Variants in CYLD observed in about 807,000 individuals in gnomAD.
CYLD encodes the protein CYLD lysine 63 deubiquitinase, also known as ubiquitin carboxyl-terminal hydrolase CYLD.
CYLD carries 26 observed loss-of-function variants against 104.5 expected under a neutral mutation model. The ratio of observed to expected loss-of-function variants is 0.25; its 90% CI spans 0.18 to 0.35. The LOEUF is 0.35. Among genes scored for constraint, CYLD ranks in the 10% least tolerant of loss-of-function variants. The probability of loss-of-function intolerance (pLI) is 1.00; values close to 1 mark genes in which losing one functional copy is unlikely to be tolerated. For synonymous variants in CYLD, 385 were observed against 399.9 expected, an observed-to-expected ratio of 0.96 and a Z score of 0.45; for missense variants, 703 against 1,136.1, an observed-to-expected ratio of 0.62 and a Z score of 5.48.
intron 16 of CYLD, among the ~76,000 whole-genome samples, chr16:50,792,969 G>A (rs1042682430): frequency 2.0e-5 from 3 of 152,110 alleles, no homozygotes; most frequent in Admixed American, 6.5e-5. Flanking sequence ...TTAACCAGAG[G>A]AGAATGGTTA....
rs537080808 is a variant in CYLD, at chr16:50,749,074, C to A, written c.-123-502C>A. On this transcript the variant is annotated intron_variant, in intron 2 of 18. Transcript: ENST00000427738. ...AAGCTTAGCTGTGTGTGGTGATATG[C>A]GTCTATAATACCAGTTACTCGGGAG... Among the ~76,000 whole-genome samples, 3 of 152,100 alleles carry A rather than the reference C, an allele frequency of 2.0e-5. No individual in the cohort carries two copies. The East Asian group carries it at 5.8e-4, about 29-fold the overall frequency.
intron 18 of CYLD, chr16:50,795,590 C>CT (rs1280235770): frequency 1.4e-6 from 1 of 702,846 alleles, no homozygotes; most frequent in Non-Finnish European, 2.6e-6. Context: ...TGGTGTGGCC[C>CT]TCCAGTAGCC....
rs1966491984 is a variant in CYLD, at chr16:50,750,051, G to A, written c.353G>A (p.Arg118Lys). 1.2e-6 allele frequency: 2 copies of A among 1,614,018 alleles called. No individual in the cohort carries two copies. The highest frequency in any genetic ancestry group is 1.7e-6 in the Non-Finnish European group (2 of 1,180,008). The part of the protein sequence containing the change: ...ERFSLFKNRN[R>K]LSKGLQIDVG... The stretch of plus-strand genomic sequence containing the variant: ...TTCAGCCTGTTTAAAAACAGAAACA[G>A]ACTAAGTAAAGGCCTCCAAATAGAC... The change falls in exon 3 of 19, where the codon AGA (arginine) becomes AAA (lysine). Residue 118 changes from arginine (R) to lysine (K), a missense_variant. Coordinates refer to ENST00000427738, the MANE Select transcript of CYLD (RefSeq NM_001378743.1).
In CYLD at chr16:50,796,788, A is replaced by G. The variant is rs1972088853; in HGVS notation, c.*280A>G. The G allele has an allele frequency of 4.6e-6, 2 of 432,766 alleles. No homozygotes were observed. Among genetic ancestry groups the G allele is most frequent in the Non-Finnish European group, 4.3e-6 (1 of 235,056 alleles). The allele number at this position is 432,766 out of a possible 1,614,324, so 26.8% of individuals were successfully genotyped here. ...AAGCTTTAAGTTAAGTGCATTGATC[A>G]TATGATATTTTTGGAAGCATACAAT... is the stretch of plus-strand genomic sequence containing the variant. On this transcript the variant is annotated 3_prime_UTR_variant, in exon 19 of 19. Transcript: ENST00000427738.
rs922583787 is a variant in CYLD, at chr16:50,780,151, C to G, written c.1518+107C>G. 2.1e-5 allele frequency: 28 copies of G among 1,336,790 alleles called. No homozygotes were observed. The African/African-American group carries it at 3.7e-4, about 18-fold the overall frequency. 82.8% of individuals were successfully genotyped at this position (1,336,790 alleles called of 1,614,324 possible). On this transcript the variant is annotated intron_variant, in intron 9 of 18. Transcript: ENST00000427738. ...CAAACTGTTATATTTGTCAGAAAAG[C>G]TATCACTGCAGAATAATTTTCTCAC...
chr16:50,742,805 G>T lies in CYLD; in HGVS notation c.-160G>T. ...GAGGATGGTTCTACACAGCCACCCG[G>T]AGTTCCTTAGTTGAAAGGTGCGCCC... On this transcript the variant is annotated 5_prime_UTR_variant, in exon 2 of 19. The change creates a premature stop within an existing upstream ORF in the 5' untranslated region. Coordinates refer to ENST00000427738, the MANE Select transcript of CYLD (RefSeq NM_001378743.1). 2.5e-6 allele frequency: 1 copy of T among 395,862 alleles called. No individual in the cohort carries two copies. The highest frequency in any genetic ancestry group is 4.4e-6 in the Non-Finnish European group (1 of 224,876). 24.5% of individuals were successfully genotyped at this position (395,862 alleles called of 1,614,324 possible).
intron 8 of CYLD, among the ~76,000 whole-genome samples, chr16:50,778,474 G>C (rs932065626): frequency 6.6e-6 from 1 of 152,174 alleles, no homozygotes; most frequent in African/African-American, 2.4e-5. Flanking sequence ...TTGCCTTGGT[G>C]GTGTGTGCAG....
intron 5 of CYLD, among the ~76,000 whole-genome samples, chr16:50,770,971 G>C (rs1295073260): frequency 6.6e-6 from 1 of 152,090 alleles, no homozygotes; most frequent in Non-Finnish European, 1.5e-5. Flanking sequence ...TTATTTTTAT[G>C]AAGTCCAATT....
At chr16:50,758,549 A>G (rs1967535877) in intron 5 of CYLD, among the ~76,000 whole-genome samples, 2 of 152,194 alleles carry the variant, frequency 1.3e-5, no homozygotes, top group Admixed American at 1.3e-4. Flanking sequence ...GGAGACCAGG[A>G]AGGAGACTGT....
At chr16:50,779,634 T>G in intron 8 of CYLD, 31 bp from the exon 9 acceptor site, 2 of 1,608,700 alleles carry the variant, frequency 1.2e-6, no homozygotes, top group Non-Finnish European at 1.7e-6. Context: ...TATCCTTGAA[T>G]ACATTTCTGT....
chr16:50,760,290 C>T (rs1383933803), intron 5 of CYLD, among the ~76,000 whole-genome samples: 1 of 151,892 alleles, frequency 6.6e-6, no homozygotes, highest in South Asian at 2.1e-4. Flanking sequence ...ATATATATAC[C>T]CTTGAATTAG....
Position 50,796,422 on chromosome 16 carries a change from A to C in CYLD, c.2785A>C (p.Arg929=). 6.2e-7 allele frequency: 1 copy of C among 1,614,036 alleles called. No homozygotes were observed. Among genetic ancestry groups the C allele is most frequent in the Non-Finnish European group, 8.5e-7 (1 of 1,179,902 alleles). Residue 929 remains arginine, a synonymous_variant, in exon 19 of 19, where the codon AGG becomes CGG. Transcript: ENST00000427738. ...GGAAGACCTGCATTCCTTGGACTCC[A>C]GGAGAATCCAAGGCTGTGCACGAAG... The part of the protein sequence containing the change: ...SLEDLHSLDS[R]RIQGCARRLL...
chr16:50,761,059 C>A (rs930415045), intron 5 of CYLD, among the ~76,000 whole-genome samples: 2 of 152,078 alleles, frequency 1.3e-5, no homozygotes, highest in African/African-American at 4.8e-5. Flanking sequence ...AACATTTTTG[C>A]ATATGATTAA....
At chr16:50,772,661 T>G (rs769198108) in intron 5 of CYLD, among the ~76,000 whole-genome samples, 17 of 152,372 alleles carry the variant, frequency 1.1e-4, no homozygotes, top group Admixed American at 2.0e-4. Context: ...GTGAATAACT[T>G]TGTATCTGTG....
chr16:50,775,995 A>G (rs981182976), intron 6 of CYLD, among the ~76,000 whole-genome samples, 184 bp from the exon 7 acceptor site: 3 of 152,218 alleles, frequency 2.0e-5, no homozygotes, highest in African/African-American at 7.2e-5. Context: ...GAAATACAGC[A>G]TTGGTTTTTT....
At chr16:50,758,234 T>G (rs1036230360) in intron 5 of CYLD, among the ~76,000 whole-genome samples, 13 of 152,240 alleles carry the variant, frequency 8.5e-5, no homozygotes, top group Middle Eastern at 3.4e-3. Flanking sequence ...TGAAGGAAGT[T>G]TGGGAGAGAA....
chr16:50,797,205 G>T lies in CYLD; in HGVS notation c.*697G>T, dbSNP rs1341165948. 1 of 232,814 alleles carries T rather than the reference G, an allele frequency of 4.3e-6. No homozygotes were observed. Among genetic ancestry groups the T allele is most frequent in the South Asian group, 1.8e-4 (1 of 5,540 alleles). 14.4% of individuals were successfully genotyped at this position (232,814 alleles called of 1,614,324 possible). Reference sequence around the variant, plus strand: ...TCCTGGAGGATTAGGGTATTTAGCAGTTGAAGCTCTTCATTCATAGTAGTT... The same window carrying T: ...TCCTGGAGGATTAGGGTATTTAGCATTTGAAGCTCTTCATTCATAGTAGTT... On this transcript the variant is annotated 3_prime_UTR_variant, in exon 19 of 19. Coordinates refer to ENST00000427738, the MANE Select transcript of CYLD (RefSeq NM_001378743.1).
At chr16:50,761,989 G>A (rs917247662) in intron 5 of CYLD, among the ~76,000 whole-genome samples, 34 of 152,088 alleles carry the variant, frequency 2.2e-4, no homozygotes, top group African/African-American at 8.2e-4. Flanking sequence ...GTCTTCCCAC[G>A]TTTCAATACC....
intron 2 of CYLD, among the ~76,000 whole-genome samples, chr16:50,748,758 A>C (rs1054283772): frequency 6.6e-6 from 1 of 152,214 alleles, no homozygotes; most frequent in Non-Finnish European, 1.5e-5. Context: ...TAATGTGATG[A>C]ACATTGCCCA....
Sources: allele counts gnomAD v4.1 joint callset (sites outside exome capture counted in the v4.1 genomes callset), GRCh38; gene constraint gnomAD v4.1.1; transcripts MANE v1.5; gene names NCBI Gene and HGNC (gene_info 2026-07-23, HGNC 2026-07-21).